The following UNC5C variants were observed in gnomAD, a reference collection of about 807,000 sequenced individuals.
The protein encoded by UNC5C is unc-5 netrin receptor C, also known as netrin receptor UNC5C.
UNC5C carries 47 observed loss-of-function variants against 99.8 expected under a neutral mutation model. The ratio of observed to expected loss-of-function variants is 0.47; its 90% confidence interval spans 0.37 to 0.60. UNC5C has a LOEUF of 0.60. Among genes scored for constraint, UNC5C ranks in the 20% least tolerant of loss-of-function variants. The probability of loss-of-function intolerance (pLI) is 0.00; values close to 1 mark genes in which losing one functional copy is unlikely to be tolerated. For synonymous variants in UNC5C, 487 were observed against 452.2 expected (o/e 1.08, Z -0.98); for missense variants, 1,062 against 1,165.9 (o/e 0.91, Z 1.30).
At chr4:95,336,563 T>A (rs533480094) in intron 1 of UNC5C, among the ~76,000 whole-genome samples, 1 of 152,052 alleles carries the variant, frequency 6.6e-6, no homozygotes, top group East Asian at 1.9e-4. Flanking sequence ...TCATTTTATT[T>A]CTCCTTCAGT....
At chr4:95,264,372 G>T (rs370006620) in intron 4 of UNC5C, among the ~76,000 whole-genome samples, 1 of 152,084 alleles carries the variant, frequency 6.6e-6, no homozygotes, top group Admixed American at 6.5e-5. Flanking sequence ...ATTTGTCCTC[G>T]TAGGCTTGTT....
chr4:95,164,460 A>G lies in UNC5C; in HGVS notation c.*4774T>C, dbSNP rs1306347977. The G allele has an allele frequency of 2.0e-5, 3 of 152,232 alleles. No homozygotes were observed. Among genetic ancestry groups the G allele is most frequent in the Non-Finnish European group, 4.4e-5 (3 of 68,046 alleles). 9.4% of individuals were successfully genotyped at this position (152,232 alleles called of 1,614,324 possible). On this transcript the variant is annotated 3_prime_UTR_variant, in exon 16 of 16. Transcript: ENST00000453304. ...CTTCATTGCCCAGAGGCAAAGTTCT[A>G]AAGATTTCAGTCAATACTAGCTCAG... is the stretch of plus-strand genomic sequence containing the variant.
intron 7 of UNC5C, chr4:95,222,227 TTCTGGGTTC>T (rs1238050039): frequency 4.7e-6 from 7 of 1,502,400 alleles, no homozygotes; most frequent in Non-Finnish European, 5.3e-6. Context: ...TCCATATTCA[TTCTGGGTTC>T]TCTGTTCAGT....
intron 1 of UNC5C, among the ~76,000 whole-genome samples, chr4:95,383,259 G>A (rs1745120882): frequency 7.4e-6 from 1 of 134,444 alleles, no homozygotes; most frequent in Non-Finnish European, 1.5e-5. Flanking sequence ...ATATGTGTGT[G>A]TTTACACACA....
chr4:95,234,008 C>T (rs77199779), intron 7 of UNC5C, among the ~76,000 whole-genome samples: 4,470 of 151,980 alleles, frequency 0.029, 70 homozygotes, highest in Middle Eastern at 0.055. Context: ...AATTGTATTT[C>T]AACTTAAAAG....
intron 1 of UNC5C, among the ~76,000 whole-genome samples, chr4:95,392,757 A>AGACT (rs1745398950): frequency 1.3e-5 from 2 of 152,254 alleles, no homozygotes; most frequent in African/African-American, 4.8e-5. Flanking sequence ...CTTTTTCGAT[A>AGACT]GACTATTCCA....
chr4:95,417,213 A>G (rs927624401), intron 1 of UNC5C, among the ~76,000 whole-genome samples: 1 of 152,212 alleles, frequency 6.6e-6, no homozygotes, highest in Admixed American at 6.5e-5. Flanking sequence ...TTAGAGCTTC[A>G]ATGGCACACC....
chr4:95,221,696 C>T (rs559498123), intron 7 of UNC5C, among the ~76,000 whole-genome samples: 8 of 152,292 alleles, frequency 5.3e-5, no homozygotes, highest in Middle Eastern at 3.4e-3. Flanking sequence ...CTTCAGAAAA[C>T]CAGTGATATC....
chr4:95,206,350 C>G (rs1179216063), intron 11 of UNC5C, among the ~76,000 whole-genome samples: 1 of 151,720 alleles, frequency 6.6e-6, no homozygotes, highest in South Asian at 2.1e-4. Context: ...TATACATAGA[C>G]ATATATATAA....
intron 7 of UNC5C, among the ~76,000 whole-genome samples, chr4:95,224,896 A>G (rs1337649990): frequency 6.6e-6 from 1 of 152,132 alleles, no homozygotes; most frequent in Non-Finnish European, 1.5e-5. Context: ...GGAGCTTGAA[A>G]AAAAGAAAGA....
At chr4:95,256,699 A>ATATATATATATATATGT (rs1553958327) in intron 4 of UNC5C, among the ~76,000 whole-genome samples, 1 of 90,666 alleles carries the variant, frequency 1.1e-5, no homozygotes, top group African/African-American at 3.6e-5. Flanking sequence ...GAACTAAATA[A>ATATATATATATATATGT]ATATATATAT....
chr4:95,445,048 C>A (rs780350451), intron 1 of UNC5C, among the ~76,000 whole-genome samples: 3 of 151,996 alleles, frequency 2.0e-5, no homozygotes, highest in African/African-American at 7.3e-5. Flanking sequence ...GGAAGGAGAG[C>A]GCGAATCCAA....
At chr4:95,428,337 A>T (rs112373386) in intron 1 of UNC5C, among the ~76,000 whole-genome samples, 231 of 152,282 alleles carry the variant, frequency 1.5e-3, no homozygotes, top group African/African-American at 5.0e-3. Context: ...ATGAACTGCT[A>T]CTGTCAAGCC....
At chr4:95,177,856 C>G (rs1227439892) in intron 14 of UNC5C, among the ~76,000 whole-genome samples, 1 of 148,156 alleles carries the variant, frequency 6.7e-6, no homozygotes, top group Non-Finnish European at 1.5e-5. Context: ...TGTGCACCAT[C>G]ACACTGGGCT....
At chr4:95,314,902 A>T (rs1051156852) in intron 2 of UNC5C, among the ~76,000 whole-genome samples, 1 of 152,214 alleles carries the variant, frequency 6.6e-6, no homozygotes, top group African/African-American at 2.4e-5. Flanking sequence ...TATTGCAAAC[A>T]TGAAATTGTG....
intron 12 of UNC5C, among the ~76,000 whole-genome samples, chr4:95,190,014 T>C (rs1333014553): frequency 2.6e-5 from 4 of 152,138 alleles, no homozygotes; most frequent in African/African-American, 4.8e-5. Flanking sequence ...GGACTATAAA[T>C]CATGCTGCTA....
chr4:95,316,843 TAGG>T (rs1292022278), intron 2 of UNC5C, among the ~76,000 whole-genome samples: 2 of 152,082 alleles, frequency 1.3e-5, no homozygotes, highest in Non-Finnish European at 2.9e-5. Context: ...GTCAATCATG[TAGG>T]AGATCCTTTA....
intron 1 of UNC5C, among the ~76,000 whole-genome samples, chr4:95,545,016 T>C (rs1356799193): frequency 6.6e-6 from 1 of 152,190 alleles, no homozygotes; most frequent in African/African-American, 2.4e-5. Context: ...TAGAGAACAG[T>C]TATGTTTAAG....
At position 95,301,542 on chromosome 4, in the gene UNC5C, T is replaced by G. The variant is rs1356206288; in HGVS notation, c.490+64A>C. 3 of 1,605,724 alleles carry G rather than the reference T, an allele frequency of 1.9e-6. No homozygotes were observed. In the Admixed American group the frequency reaches 5.0e-5, roughly 27 times the overall value. ...TTCTTTGGTGCTGGAGTAGTCACAG[T>G]GTAAACTTTCCCTTATGTGTATCAA... On this transcript the variant is annotated intron_variant, in intron 3 of 15. Coordinates refer to ENST00000453304, the MANE Select transcript of UNC5C (RefSeq NM_003728.4).
Sources: gnomAD v4.1 joint callset for allele counts (sites outside exome capture counted in the v4.1 genomes callset) on GRCh38, gnomAD v4.1.1 for gene constraint, MANE v1.5 for transcripts, NCBI Gene and HGNC (gene_info 2026-07-23, HGNC 2026-07-21) for gene names.